Variants in CADM2 observed in about 807,000 individuals in gnomAD.
CADM2 encodes the protein cell adhesion molecule 2, also known as immunoglobulin superfamily member 4D.
CADM2 carries 12 observed loss-of-function variants against 49.8 expected under a neutral mutation model. The observed-to-expected ratio is 0.24, with a 90% confidence interval of 0.15 to 0.39. The LOEUF is 0.39. CADM2 is among the 10% of genes least tolerant of loss of function. The pLI is 1.00. For missense variants in CADM2, 378 were observed against 492.3 expected, an observed-to-expected ratio of 0.77 and a Z score of 2.20; for synonymous variants, 214 against 175.4, an observed-to-expected ratio of 1.22 and a Z score of -1.74.
intron 1 of CADM2, among the ~76,000 whole-genome samples, chr3:85,450,826 GAAATA>G (rs1262720243): frequency 6.6e-6 from 1 of 151,866 alleles, no homozygotes; most frequent in Non-Finnish European, 1.5e-5. Flanking sequence ...AGAAAAATAT[GAAATA>G]AAATAAAAAG....
chr3:84,997,337 T>G (rs2107200449), intron 1 of CADM2, among the ~76,000 whole-genome samples: 1 of 152,172 alleles, frequency 6.6e-6, no homozygotes, highest in Non-Finnish European at 1.5e-5. Flanking sequence ...CCTCTCTAAT[T>G]ATGTGAATTA....
intron 1 of CADM2, among the ~76,000 whole-genome samples, chr3:85,401,571 G>T (rs1423641954): frequency 6.6e-6 from 1 of 152,126 alleles, no homozygotes; most frequent in Non-Finnish European, 1.5e-5. Context: ...CACTTAGATT[G>T]AAGGAGGACA....
At chr3:85,294,609 A>C (rs1286227887) in intron 1 of CADM2, among the ~76,000 whole-genome samples, 2 of 152,052 alleles carry the variant, frequency 1.3e-5, no homozygotes, top group Non-Finnish European at 2.9e-5. Context: ...TCAATGGAAC[A>C]GAACAGAGCC....
chr3:85,520,972 C>T (rs992303005), intron 1 of CADM2, among the ~76,000 whole-genome samples: 3 of 151,972 alleles, frequency 2.0e-5, no homozygotes, highest in Non-Finnish European at 4.4e-5. Context: ...TTCCATAAAA[C>T]AAAATGTGGT....
chr3:85,166,543 A>G (rs1303334739), intron 1 of CADM2, among the ~76,000 whole-genome samples: 2 of 151,904 alleles, frequency 1.3e-5, no homozygotes, highest in Non-Finnish European at 3.0e-5. Context: ...CTGAAGTATA[A>G]TATAGCTAAG....
chr3:85,153,885 G>A (rs181905469), intron 1 of CADM2, among the ~76,000 whole-genome samples: 4 of 152,162 alleles, frequency 2.6e-5, no homozygotes, highest in Non-Finnish European at 5.9e-5. Flanking sequence ...GGTCCTGACT[G>A]TTAGAAGGAA....
intron 1 of CADM2, among the ~76,000 whole-genome samples, chr3:85,516,466 G>C (rs915166116): frequency 1.3e-5 from 2 of 152,088 alleles, no homozygotes; most frequent in African/African-American, 4.8e-5. Flanking sequence ...TAGGTAGGTA[G>C]ATAGAAAAAA....
chr3:85,712,993 T>C (rs73147247), intron 1 of CADM2, among the ~76,000 whole-genome samples: 1,627 of 152,308 alleles, frequency 0.011, 16 homozygotes, highest in Middle Eastern at 0.044. Flanking sequence ...CCCTTACTTT[T>C]GTGAATTTCA....
chr3:85,137,042 A>T (rs1001070368), intron 1 of CADM2, among the ~76,000 whole-genome samples: 31 of 152,068 alleles, frequency 2.0e-4, no homozygotes, highest in African/African-American at 6.7e-4. Flanking sequence ...ACTGTGGATT[A>T]TATTGGGGTA....
At chr3:85,505,018 G>T (rs148140638) in intron 1 of CADM2, among the ~76,000 whole-genome samples, 1 of 152,090 alleles carries the variant, frequency 6.6e-6, no homozygotes, top group Non-Finnish European at 1.5e-5. Context: ...AGCTGGCCCG[G>T]AAGCGCCGCG....
At chr3:85,072,735 G>A (rs1015653131) in intron 1 of CADM2, among the ~76,000 whole-genome samples, 1 of 151,952 alleles carries the variant, frequency 6.6e-6, no homozygotes, top group Middle Eastern at 3.4e-3. Context: ...TTTGAATTTA[G>A]ATAAAAATTT....
intron 3 of CADM2, among the ~76,000 whole-genome samples, chr3:85,841,031 G>C (rs1473740369): frequency 1.3e-5 from 2 of 151,622 alleles, no homozygotes; most frequent in Non-Finnish European, 2.9e-5. Flanking sequence ...TTATAAGACT[G>C]TAATAATTGA....
chr3:85,510,786 AC>A (rs2040580690), intron 1 of CADM2, among the ~76,000 whole-genome samples: 1 of 152,052 alleles, frequency 6.6e-6, no homozygotes, highest in Non-Finnish European at 1.5e-5. Flanking sequence ...TTTTATAAAA[AC>A]AATTGAGTTT....
chr3:85,047,555 A>C (rs1376786342), intron 1 of CADM2, among the ~76,000 whole-genome samples: 3 of 152,152 alleles, frequency 2.0e-5, no homozygotes, highest in African/African-American at 2.4e-5. Context: ...AAGGGAGTAA[A>C]TTTATTGAAT....
intron 1 of CADM2, among the ~76,000 whole-genome samples, chr3:85,256,707 T>C (rs2107876611): frequency 6.6e-6 from 1 of 152,248 alleles, no homozygotes; most frequent in East Asian, 1.9e-4. Context: ...TAAAGCCCTG[T>C]TATAAATATA....
intron 1 of CADM2, among the ~76,000 whole-genome samples, chr3:85,707,460 A>G (rs1304435088): frequency 1.4e-5 from 2 of 146,902 alleles, no homozygotes; most frequent in African/African-American, 2.5e-5. Context: ...ACATTTTCAT[A>G]AAGTTAAAAA....
intron 6 of CADM2, among the ~76,000 whole-genome samples, chr3:85,912,906 T>C (rs775481940): frequency 1.3e-5 from 2 of 152,278 alleles, no homozygotes; most frequent in Non-Finnish European, 2.9e-5. Flanking sequence ...TTAAAATAAC[T>C]TTATTTTATG....
chr3:85,031,554 G>A (rs2034978408), intron 1 of CADM2, among the ~76,000 whole-genome samples: 2 of 152,048 alleles, frequency 1.3e-5, no homozygotes, highest in Admixed American at 6.5e-5. Flanking sequence ...TCGCTCTGTC[G>A]CCCGGGCTGG....
At chr3:85,722,987 G>GT (rs1398473287) in intron 1 of CADM2, among the ~76,000 whole-genome samples, 4 of 152,072 alleles carry the variant, frequency 2.6e-5, no homozygotes, top group Non-Finnish European at 5.9e-5. Flanking sequence ...TTGTACTGAT[G>GT]TTTTTTCAGA....
Sources: allele counts gnomAD v4.1 joint callset (sites outside exome capture counted in the v4.1 genomes callset), GRCh38; gene constraint gnomAD v4.1.1; transcripts MANE v1.5; gene names NCBI Gene and HGNC (gene_info 2026-07-23, HGNC 2026-07-21).